TNS3: variants seen among roughly 807,000 people sequenced by gnomAD.
The protein encoded by TNS3 is tensin 3.
TNS3 carries 45 observed loss-of-function variants against 140.9 expected under a neutral mutation model. The ratio of observed to expected loss-of-function variants is 0.32; its 90% confidence interval spans 0.25 to 0.41. The LOEUF (loss-of-function observed/expected upper bound fraction) is 0.41, where lower values mean the gene tolerates loss of function less well. Ranked by LOEUF, TNS3 falls within the 10% of genes least tolerant of loss-of-function variation. TNS3 has a pLI of 1.00. For missense variants in TNS3, 1,716 were observed against 1,906.7 expected (o/e 0.90, Z 1.86); for synonymous variants, 815 against 788.4 (o/e 1.03, Z -0.56).
At chr7:47,447,500 TC>T (rs1272060854) in intron 4 of TNS3, among the ~76,000 whole-genome samples, 20 of 152,108 alleles carry the variant, frequency 1.3e-4, no homozygotes, top group Admixed American at 6.5e-5. Flanking sequence ...TCAGGAAAGG[TC>T]CTCCACTCGC....
chr7:47,555,261 T>C (rs1800165530), intron 1 of TNS3, among the ~76,000 whole-genome samples: 1 of 146,036 alleles, frequency 6.8e-6, no homozygotes, highest in African/African-American at 2.5e-5. Flanking sequence ...ACTAGCCGGG[T>C]GTGGTGGCAG....
chr7:47,514,461 C>A (rs1798714027), intron 2 of TNS3, among the ~76,000 whole-genome samples: 1 of 152,192 alleles, frequency 6.6e-6, no homozygotes, highest in Non-Finnish European at 1.5e-5. Flanking sequence ...CTAGCAGGTG[C>A]TTAATAATGT....
chr7:47,547,687 C>G (rs556211583), intron 1 of TNS3, among the ~76,000 whole-genome samples: 4 of 152,256 alleles, frequency 2.6e-5, no homozygotes, highest in Non-Finnish European at 4.4e-5. Flanking sequence ...CATGGCCCCA[C>G]GTCTACGCCG....
At position 47,344,675 on chromosome 7, in the gene TNS3, GTTC is replaced by G. The variant is rs1392938306; in HGVS notation, c.2650+77_2650+79del. 3 of 1,272,008 alleles carry G rather than the reference GTTC, an allele frequency of 2.4e-6. No homozygotes were observed. In the African/African-American group the frequency reaches 4.4e-5, roughly 19 times the overall value. The allele number at this position is 1,272,008 out of a possible 1,614,324, so 78.8% of individuals were successfully genotyped here. A position where few individuals can be genotyped will look rare whatever the true frequency, so the allele number is the denominator to read the frequency against. On this transcript the variant is annotated intron_variant, in intron 20 of 30. Transcript: ENST00000311160. ...CAAATGGAAACATTTCTGCATACGA[GTTC>G]TTCTCTGTAAAAATGGCGACCCCGC...
chr7:47,539,522 T>C, intron 1 of TNS3: 1 of 251,336 alleles, frequency 4.0e-6, no homozygotes, highest in Middle Eastern at 1.4e-3. Flanking sequence ...GCTTGCAATC[T>C]AGGCTCTTAC....
At chr7:47,427,056 G>A (rs1370450780) in intron 9 of TNS3, among the ~76,000 whole-genome samples, 1 of 147,984 alleles carries the variant, frequency 6.8e-6, no homozygotes, top group Non-Finnish European at 1.5e-5. Flanking sequence ...AACCCGGGAA[G>A]CAGAGGTGGC....
chr7:47,539,168 GA>G, intron 1 of TNS3: 2 of 456,230 alleles, frequency 4.4e-6, no homozygotes. Flanking sequence ...TGAGTACCAG[GA>G]TTCATACTCT....
chr7:47,298,993 C>A (rs1786220017), intron 23 of TNS3, among the ~76,000 whole-genome samples: 1 of 152,192 alleles, frequency 6.6e-6, no homozygotes, highest in Non-Finnish European at 1.5e-5. Flanking sequence ...CTGCAGCCGC[C>A]CATGCAAGGG....
chr7:47,544,658 G>T (rs11976227), intron 1 of TNS3, among the ~76,000 whole-genome samples: 18 of 151,752 alleles, frequency 1.2e-4, no homozygotes, highest in Non-Finnish European at 2.1e-4. Flanking sequence ...GCCTGAGGTC[G>T]CAGAGCTAAA....
intron 11 of TNS3, among the ~76,000 whole-genome samples, chr7:47,414,556 A>G (rs1383887610): frequency 6.6e-6 from 1 of 151,984 alleles, no homozygotes; most frequent in African/African-American, 2.4e-5. Context: ...GGAACTGGGG[A>G]TGTGGAGACA....
intron 17 of TNS3, among the ~76,000 whole-genome samples, chr7:47,351,380 C>T (rs979644019): frequency 3.3e-5 from 5 of 151,980 alleles, no homozygotes; most frequent in African/African-American, 9.7e-5. Context: ...GCTTATGCTT[C>T]CCAGAGGTTA....
chr7:47,527,440 C>T (rs763616709), intron 2 of TNS3, among the ~76,000 whole-genome samples: 1 of 152,080 alleles, frequency 6.6e-6, no homozygotes, highest in Non-Finnish European at 1.5e-5. Flanking sequence ...TGATGGAGGA[C>T]GCCTGTCCGA....
At position 47,277,908 on chromosome 7, in the gene TNS3, T is replaced by G; in HGVS notation, c.*168A>C. 2 of 785,662 alleles carry G rather than the reference T, an allele frequency of 2.5e-6. No homozygotes were observed. The highest frequency in any genetic ancestry group is 4.4e-6 in the Non-Finnish European group (2 of 457,904). 48.7% of individuals were successfully genotyped at this position (785,662 alleles called of 1,614,324 possible). A position where few individuals can be genotyped will look rare whatever the true frequency, so the allele number is the denominator to read the frequency against. ...ACTTTCAGGAAAGGCCAATTCACGG[T>G]GATGTTGTTTGTTCTTGTTTTTGCA... On this transcript the variant is annotated 3_prime_UTR_variant, in exon 31 of 31. Coordinates refer to ENST00000311160, the MANE Select transcript of TNS3 (RefSeq NM_022748.12).
At chr7:47,281,593 G>A (rs538921391) in intron 28 of TNS3, among the ~76,000 whole-genome samples, 13 of 152,328 alleles carry the variant, frequency 8.5e-5, no homozygotes, top group South Asian at 6.2e-4. Context: ...CTGATTGTTG[G>A]TGAGAAGATC....
chr7:47,326,506 G>A (rs1380511765), intron 20 of TNS3, among the ~76,000 whole-genome samples: 1 of 152,016 alleles, frequency 6.6e-6, no homozygotes, highest in Non-Finnish European at 1.5e-5. Flanking sequence ...GGTACTCTGG[G>A]AGCAACTTAG....
Position 47,525,124 on chromosome 7 carries a change from C to T in TNS3, c.-153+3912G>A, listed in dbSNP as rs987374784. On this transcript the variant is annotated intron_variant, in intron 2 of 30. Coordinates refer to ENST00000311160, the MANE Select transcript of TNS3 (RefSeq NM_022748.12). ...AAACAGGACAGGAGATAATGCTGCACGAGGACAGAGCTGGCAGCCCCGCTG... is the reference window on the plus strand; with the variant it reads ...AAACAGGACAGGAGATAATGCTGCATGAGGACAGAGCTGGCAGCCCCGCTG... Among the ~76,000 whole-genome samples, 23 of 152,170 alleles carry T rather than the reference C, an allele frequency of 1.5e-4. 1 individual carries two copies. Among genetic ancestry groups the T allele is most frequent in the African/African-American group, 3.9e-4 (16 of 41,446 alleles).
At chr7:47,349,357 A>C (rs1013978487) in intron 17 of TNS3, among the ~76,000 whole-genome samples, 1 of 152,376 alleles carries the variant, frequency 6.6e-6, no homozygotes, top group Admixed American at 6.5e-5. Context: ...GCAGAACTAC[A>C]TGCCTCTCCC....
At chr7:47,533,716 C>T (rs184468275) in intron 1 of TNS3, among the ~76,000 whole-genome samples, 10 of 152,136 alleles carry the variant, frequency 6.6e-5, no homozygotes, top group African/African-American at 1.9e-4. Context: ...TGAATCATGG[C>T]GGCAGGTCTT....
At chr7:47,445,924 G>A (rs1306716378) in intron 4 of TNS3, among the ~76,000 whole-genome samples, 13 of 152,216 alleles carry the variant, frequency 8.5e-5, no homozygotes, top group Admixed American at 8.5e-4. Context: ...TCTAAACCCT[G>A]TGTGTGCACC....
Sources: allele counts gnomAD v4.1 joint callset (sites outside exome capture counted in the v4.1 genomes callset), GRCh38; gene constraint gnomAD v4.1.1; transcripts MANE v1.5; gene names NCBI Gene and HGNC (gene_info 2026-07-23, HGNC 2026-07-21).